Variants in EIPR1 observed in about 807,000 individuals in gnomAD.
EIPR1 encodes the protein EARP complex and GARP complex interacting protein 1, also known as EARP and GARP complex-interacting protein 1.
A neutral mutation model predicts 48.1 loss-of-function variants in EIPR1; 25 were observed. The observed-to-expected ratio is 0.52, with a 90% CI of 0.38 to 0.73. The LOEUF (loss-of-function observed/expected upper bound fraction) is 0.73. EIPR1 is among the 30% of genes least tolerant of loss of function. EIPR1 has a pLI of 0.00. For missense variants in EIPR1, 415 were observed against 506.2 expected, an observed-to-expected ratio of 0.82 and a Z score of 1.73; for synonymous variants, 204 against 201.9, an observed-to-expected ratio of 1.01 and a Z score of -0.09.
At chr2:3,349,920 T>C (rs950743638) in intron 2 of EIPR1, among the ~76,000 whole-genome samples, 2 of 152,104 alleles carry the variant, frequency 1.3e-5, no homozygotes, top group African/African-American at 4.8e-5. Context: ...AGTCAGGAGT[T>C]TGAGACCAGC....
intron 4 of EIPR1, 33 bp from the exon 5 acceptor site, chr2:3,214,281 A>ATGTT: frequency 1.3e-6 from 2 of 1,586,408 alleles, no homozygotes; most frequent in Non-Finnish European, 1.7e-6. Flanking sequence ...ATGTTAACAT[A>ATGTT]AACATTTGAG....
intron 3 of EIPR1, among the ~76,000 whole-genome samples, chr2:3,332,534 A>G (rs1367464068): frequency 6.6e-6 from 1 of 152,156 alleles, no homozygotes; most frequent in Non-Finnish European, 1.5e-5. Flanking sequence ...CCAGCCTGCC[A>G]CCTGCCACCA....
At chr2:3,332,583 G>C (rs550613310) in intron 3 of EIPR1, among the ~76,000 whole-genome samples, 1 of 152,334 alleles carries the variant, frequency 6.6e-6, no homozygotes, top group Admixed American at 6.5e-5. Context: ...TACGCCCACA[G>C]ACCAGTTACT....
chr2:3,358,106 G>A (rs1670772558), intron 1 of EIPR1, among the ~76,000 whole-genome samples: 1 of 151,874 alleles, frequency 6.6e-6, no homozygotes, highest in African/African-American at 2.4e-5. Flanking sequence ...ACGGAGCTCC[G>A]AATACACCTG....
intron 5 of EIPR1, among the ~76,000 whole-genome samples, chr2:3,210,813 A>C (rs1240678243): frequency 6.6e-6 from 1 of 151,720 alleles, no homozygotes; most frequent in Non-Finnish European, 1.5e-5. Flanking sequence ...TTTTATTTTT[A>C]TTTTTAGTAG....
chr2:3,219,467 G>A (rs576852859), intron 4 of EIPR1, among the ~76,000 whole-genome samples: 1 of 148,802 alleles, frequency 6.7e-6, no homozygotes, highest in South Asian at 2.2e-4. Flanking sequence ...TTCACAGTGA[G>A]TCAGGTGCAC....
intron 3 of EIPR1, among the ~76,000 whole-genome samples, chr2:3,304,861 G>A (rs796403972): frequency 7.7e-5 from 2 of 25,908 alleles, no homozygotes; most frequent in African/African-American, 3.3e-4. Context: ...GCCCTCCACT[G>A]CCATCCAGTT....
At chr2:3,213,026 C>T (rs557735165) in intron 5 of EIPR1, among the ~76,000 whole-genome samples, 5 of 152,224 alleles carry the variant, frequency 3.3e-5, no homozygotes, top group East Asian at 1.9e-4. Flanking sequence ...CATACCACCT[C>T]GTCAGCCTAG....
chr2:3,195,310 T>C (rs551148915), intron 6 of EIPR1, among the ~76,000 whole-genome samples: 19 of 152,220 alleles, frequency 1.2e-4, no homozygotes, highest in Non-Finnish European at 2.4e-4. Context: ...AAATCACTCC[T>C]GCATCATTTA....
intron 2 of EIPR1, among the ~76,000 whole-genome samples, chr2:3,340,766 T>C (rs1054920786): frequency 9.2e-5 from 14 of 152,094 alleles, no homozygotes; most frequent in African/African-American, 3.4e-4. Flanking sequence ...ATATTTATGA[T>C]AGCCAAAGCA....
chr2:3,222,062 A>T (rs1056808069), intron 4 of EIPR1, among the ~76,000 whole-genome samples: 1 of 152,052 alleles, frequency 6.6e-6, no homozygotes, highest in Admixed American at 6.6e-5. Context: ...AGTGGTGGAG[A>T]TTCAAAGCCG....
chr2:3,253,556 T>A (rs1667066140), intron 4 of EIPR1, among the ~76,000 whole-genome samples: 2 of 152,198 alleles, frequency 1.3e-5, no homozygotes. Flanking sequence ...AGTGACTTCC[T>A]AAAGACCCTA....
rs1219210093 is a variant in EIPR1, at chr2:3,196,972, T to G, written c.562A>C (p.Thr188Pro). The change falls in exon 6 of 9, where the codon ACC (threonine) becomes CCC (proline). Residue 188 changes from threonine (T) to proline (P), a missense_variant. Thr to Pro is a conservative substitution (Grantham distance 38). Coordinates refer to ENST00000382125, the MANE Select transcript of EIPR1 (RefSeq NM_003310.5). Reference sequence around the variant, plus strand: ...TGATGTGGGCTCCACCGTCCTGAGGTGAACTTCAGTTGTCCCTTCCCTTCC... The same window carrying G: ...TGATGTGGGCTCCACCGTCCTGAGGGGAACTTCAGTTGTCCCTTCCCTTCC... ...SLEGKGQLKF[T>P]SGRWSPHHNC... The G allele has an allele frequency of 6.2e-7, 1 of 1,613,670 alleles. No individual in the cohort carries two copies. Among genetic ancestry groups the G allele is most frequent in the Non-Finnish European group, 8.5e-7 (1 of 1,179,978 alleles).
At chr2:3,243,346 A>G (rs1432150376) in intron 4 of EIPR1, among the ~76,000 whole-genome samples, 1 of 152,178 alleles carries the variant, frequency 6.6e-6, no homozygotes. Context: ...ATTCACAAGC[A>G]AGGCCAGGCA....
chr2:3,313,186 C>G (rs1032311956), intron 3 of EIPR1, among the ~76,000 whole-genome samples: 1 of 152,120 alleles, frequency 6.6e-6, no homozygotes, highest in African/African-American at 2.4e-5. Flanking sequence ...AGACAGCCAC[C>G]CACCCCTTAG....
intron 7 of EIPR1, 130 bp from the exon 8 acceptor site, chr2:3,192,711 G>C (rs919553403): frequency 1.0e-5 from 9 of 868,548 alleles, no homozygotes; most frequent in African/African-American, 1.7e-5. Flanking sequence ...TCGGCCCCCA[G>C]TCACAGGGCC....
intron 2 of EIPR1, among the ~76,000 whole-genome samples, chr2:3,350,706 A>C (rs1670546292): frequency 6.6e-6 from 1 of 152,202 alleles, no homozygotes; most frequent in Non-Finnish European, 1.5e-5. Flanking sequence ...CCAGAAACAG[A>C]AAGACAAAAC....
chr2:3,369,342 G>A (rs1164422389), intron 1 of EIPR1, among the ~76,000 whole-genome samples: 2 of 152,218 alleles, frequency 1.3e-5, no homozygotes, highest in Non-Finnish European at 2.9e-5. Flanking sequence ...TTCCATATGA[G>A]GTACCGGGTT....
intron 2 of EIPR1, among the ~76,000 whole-genome samples, chr2:3,341,427 T>C (rs1670244441): frequency 2.6e-5 from 4 of 152,004 alleles, no homozygotes; most frequent in South Asian, 4.1e-4. Context: ...GGTGTGCACC[T>C]GTGTGTGGGA....
Sources: gnomAD v4.1 joint callset for allele counts (sites outside exome capture counted in the v4.1 genomes callset) on GRCh38, gnomAD v4.1.1 for gene constraint, MANE v1.5 for transcripts, NCBI Gene and HGNC (gene_info 2026-07-23, HGNC 2026-07-21) for gene names.